The following NOP58 variants were observed in gnomAD, a reference collection of about 807,000 sequenced individuals.
NOP58 encodes the protein NOP58 ribonucleoprotein.
NOP58 carries 44 observed loss-of-function variants against 71.2 expected under a neutral mutation model. That is an observed-to-expected ratio of 0.62 (90% CI 0.49 to 0.79). The LOEUF (loss-of-function observed/expected upper bound fraction) is 0.79, where lower values mean the gene tolerates loss of function less well. NOP58 is among the 30% of genes least tolerant of loss of function. NOP58 has a pLI of 0.00. For missense variants in NOP58, 538 were observed against 620.2 expected (o/e 0.87, Z 1.41); for synonymous variants, 228 against 200.3 (o/e 1.14, Z -1.17).
At chr2:202,303,108 TATTTC>T (rs1689120374) in intron 14 of NOP58, 51 bp downstream of exon 14, 6 of 1,550,654 alleles carry the variant, frequency 3.9e-6, no homozygotes, top group Non-Finnish European at 4.3e-6. Flanking sequence ...CAGTTCTCTA[TATTTC>T]AATCTATTTT....
intron 8 of NOP58, 84 bp from the exon 9 acceptor site, chr2:202,292,693 T>G: frequency 9.3e-7 from 1 of 1,076,514 alleles, no homozygotes; most frequent in South Asian, 1.3e-5. Context: ...TCTTTCATAA[T>G]TGAGGGCTCC....
Position 202,292,899 on chromosome 2 carries a change from T to C in NOP58, c.903T>C (p.His301=). The change falls in exon 9 of 15, where the codon CAT becomes CAC. Residue 301 remains histidine (H), a synonymous_variant. Coordinates refer to ENST00000264279, the MANE Select transcript of NOP58 (RefSeq NM_015934.5). ...TAGTTGGAGCACGGCTTATTGCTCA[T>C]GCAGGTGATGGTTTTAATGTAATTT... ...GELVGARLIA[H]AGSLLNLAKH... 1 of 1,614,102 alleles carries C rather than the reference T, an allele frequency of 6.2e-7. No homozygotes were observed. The highest frequency in any genetic ancestry group is 8.5e-7 in the Non-Finnish European group (1 of 1,179,934).
At chr2:202,272,412 C>G (rs1396895661) in intron 1 of NOP58, among the ~76,000 whole-genome samples, 1 of 152,092 alleles carries the variant, frequency 6.6e-6, no homozygotes, top group African/African-American at 2.4e-5. Flanking sequence ...CCTCAGCCTC[C>G]CAGAGTGCTG....
intron 1 of NOP58, among the ~76,000 whole-genome samples, chr2:202,266,769 C>T (rs1021379260): frequency 6.6e-6 from 1 of 152,240 alleles, no homozygotes; most frequent in Non-Finnish European, 1.5e-5. Context: ...TGGAGAGAAA[C>T]AAATATCGAT....
chr2:202,284,073 G>A (rs923597395), intron 4 of NOP58, among the ~76,000 whole-genome samples: 62 of 151,992 alleles, frequency 4.1e-4, no homozygotes, highest in African/African-American at 1.4e-3. Context: ...CTTGAGGTCA[G>A]GAGTTTGAGA....
At chr2:202,286,503 TCAAAA>T (rs1688789188) in intron 5 of NOP58, among the ~76,000 whole-genome samples, 2 of 152,136 alleles carry the variant, frequency 1.3e-5, no homozygotes, top group South Asian at 2.1e-4. Context: ...AGACTCCGTC[TCAAAA>T]CAAAACAAAA....
chr2:202,286,199 A>G (rs143973681), intron 5 of NOP58, among the ~76,000 whole-genome samples: 8 of 143,964 alleles, frequency 5.6e-5, no homozygotes, highest in Admixed American at 2.8e-4. Flanking sequence ...AAAAAAAAAA[A>G]GGGAGAAAGA....
At chr2:202,286,199 A>C (rs143973681) in intron 5 of NOP58, among the ~76,000 whole-genome samples, 372 of 144,042 alleles carry the variant, frequency 2.6e-3, no homozygotes, top group Non-Finnish European at 4.6e-3. Context: ...AAAAAAAAAA[A>C]GGGAGAAAGA....
chr2:202,286,983 G>C (rs1688797927), intron 5 of NOP58, among the ~76,000 whole-genome samples: 1 of 151,436 alleles, frequency 6.6e-6, no homozygotes, highest in Non-Finnish European at 1.5e-5. Flanking sequence ...TCTGTTTTCA[G>C]ATGTTAAGAG....
chr2:202,281,014 C>T (rs770772576), intron 3 of NOP58, among the ~76,000 whole-genome samples: 3 of 151,856 alleles, frequency 2.0e-5, no homozygotes, highest in Non-Finnish European at 4.4e-5. Context: ...GATCATAATT[C>T]GAATGGATAT....
intron 1 of NOP58, among the ~76,000 whole-genome samples, chr2:202,274,426 G>C (rs1195140455): frequency 9.1e-6 from 1 of 110,160 alleles, no homozygotes. Context: ...TTTTTTTGTA[G>C]AGACGGGGTT....
intron 8 of NOP58, chr2:202,291,484 G>A (rs890046944): frequency 1.1e-5 from 4 of 362,756 alleles, no homozygotes; most frequent in African/African-American, 8.4e-5. Context: ...ATCATCGTCT[G>A]AATAATGAAT....
chr2:202,269,435 G>A (rs901324291), intron 1 of NOP58, among the ~76,000 whole-genome samples: 2 of 151,786 alleles, frequency 1.3e-5, no homozygotes, highest in Non-Finnish European at 2.9e-5. Flanking sequence ...CAGCCATGAG[G>A]TACGGTGTTC....
At chr2:202,274,532 A>T (rs1240242394) in intron 1 of NOP58, among the ~76,000 whole-genome samples, 1 of 150,414 alleles carries the variant, frequency 6.6e-6, no homozygotes, top group African/African-American at 2.5e-5. Context: ...GTGAGCCACC[A>T]TGCTTGGCGC....
intron 9 of NOP58, 107 bp from the exon 10 acceptor site, chr2:202,295,567 T>C: frequency 1.3e-6 from 1 of 796,372 alleles, no homozygotes; most frequent in Non-Finnish European, 1.9e-6. Context: ...TTATATGTGA[T>C]TTTTATTTAT....
intron 3 of NOP58, among the ~76,000 whole-genome samples, chr2:202,278,537 A>G (rs1002581397): frequency 6.6e-6 from 1 of 152,180 alleles, no homozygotes; most frequent in Non-Finnish European, 1.5e-5. Flanking sequence ...AGAATGGATG[A>G]CTCATACTCT....
intron 6 of NOP58, among the ~76,000 whole-genome samples, chr2:202,288,787 C>T (rs1244352446): frequency 6.6e-6 from 1 of 151,652 alleles, no homozygotes. Context: ...TTCACTCTAG[C>T]TTGGACAACA....
At chr2:202,298,565 G>A (rs762116962) in intron 12 of NOP58, among the ~76,000 whole-genome samples, 4 of 152,106 alleles carry the variant, frequency 2.6e-5, no homozygotes, top group Non-Finnish European at 4.4e-5. Flanking sequence ...CCCGGGAGGC[G>A]GAGGGTGCAG....
chr2:202,273,490 A>G (rs1338230148), intron 1 of NOP58, among the ~76,000 whole-genome samples: 2 of 152,238 alleles, frequency 1.3e-5, no homozygotes, highest in African/African-American at 4.8e-5. Flanking sequence ...ATTTTAAGAT[A>G]ATTTCCATTT....
Sources: gnomAD v4.1 joint callset for allele counts (sites outside exome capture counted in the v4.1 genomes callset) on GRCh38, gnomAD v4.1.1 for gene constraint, MANE v1.5 for transcripts, NCBI Gene and HGNC (gene_info 2026-07-23, HGNC 2026-07-21) for gene names.